LDLRAD3: variants seen among roughly 807,000 people sequenced by gnomAD.
The protein encoded by LDLRAD3 is low-density lipoprotein receptor class A domain-containing protein 3.
A neutral mutation model predicts 29.4 loss-of-function variants in LDLRAD3; 20 were observed. The observed-to-expected ratio is 0.68, with a 90% CI of 0.48 to 0.99. The LOEUF is 0.99. Ranked by LOEUF, LDLRAD3 falls within the 50% of genes least tolerant of loss-of-function variation. The probability of loss-of-function intolerance (pLI) is 0.00; values close to 1 mark genes in which losing one functional copy is unlikely to be tolerated. For missense variants in LDLRAD3, 420 were observed against 454.3 expected (o/e 0.92, Z 0.69); for synonymous variants, 157 against 192.7 (o/e 0.81, Z 1.53).
intron 2 of LDLRAD3, among the ~76,000 whole-genome samples, chr11:36,037,981 C>T (rs1016694718): frequency 2.6e-5 from 4 of 152,286 alleles, no homozygotes; most frequent in East Asian, 1.9e-4. Flanking sequence ...ACTGCAGCCT[C>T]GACCTCCTGG....
intron 1 of LDLRAD3, among the ~76,000 whole-genome samples, chr11:36,023,301 C>T (rs1475524183): frequency 1.3e-5 from 2 of 152,084 alleles, no homozygotes; most frequent in Admixed American, 6.6e-5. Context: ...CCATAGGGAA[C>T]GGGAGGTAGG....
chr11:36,058,097 G>A (rs1852647630), intron 2 of LDLRAD3, among the ~76,000 whole-genome samples: 1 of 152,182 alleles, frequency 6.6e-6, no homozygotes, highest in Non-Finnish European at 1.5e-5. Flanking sequence ...CAACCCTCCA[G>A]TGGCTCCCAG....
At chr11:36,141,077 G>A (rs1165458430) in intron 4 of LDLRAD3, among the ~76,000 whole-genome samples, 1 of 137,448 alleles carries the variant, frequency 7.3e-6, no homozygotes, top group African/African-American at 2.7e-5. Context: ...TTAAAAAATG[G>A]TTCCATCCAA....
chr11:35,944,567 T>G lies in LDLRAD3; in HGVS notation c.46+423T>G, dbSNP rs558112141. On this transcript the variant is annotated intron_variant, in intron 1 of 5. Coordinates refer to ENST00000315571, the MANE Select transcript of LDLRAD3 (RefSeq NM_174902.4). The surrounding 1 kb of genome is among the most constrained non-coding windows in gnomAD (Gnocchi z 4.9). ...AGACGCCTGGTCGCGCGCGGCTGCG[T>G]TAGCCTCCTCTGGGCCTCTTCCCGA... 2.6e-5 allele frequency among the ~76,000 whole-genome samples: 4 copies of G among 152,224 alleles called. No homozygotes were observed. The East Asian group carries it at 7.8e-4, about 30-fold the overall frequency.
At chr11:36,074,493 G>C (rs1156958599) in intron 2 of LDLRAD3, among the ~76,000 whole-genome samples, 2 of 152,164 alleles carry the variant, frequency 1.3e-5, no homozygotes, top group African/African-American at 4.8e-5. Flanking sequence ...ATGCTGGCTG[G>C]GCTTGAGAAG....
intron 2 of LDLRAD3, among the ~76,000 whole-genome samples, chr11:36,064,422 G>T (rs1040653757): frequency 2.6e-5 from 4 of 151,600 alleles, no homozygotes; most frequent in Non-Finnish European, 5.9e-5. Flanking sequence ...TGATACTCCT[G>T]CCTCAGCCTC....
At chr11:36,105,622 AC>A (rs2133281853) in intron 4 of LDLRAD3, among the ~76,000 whole-genome samples, 1 of 152,304 alleles carries the variant, frequency 6.6e-6, no homozygotes, top group South Asian at 2.1e-4. Context: ...CAGAGAGATC[AC>A]CATGTGAAGG....
At chr11:36,160,551 G>T (rs902805594) in intron 4 of LDLRAD3, among the ~76,000 whole-genome samples, 7 of 152,114 alleles carry the variant, frequency 4.6e-5, no homozygotes, top group African/African-American at 1.7e-4. Context: ...GCTCTCAGGG[G>T]TCAGTTTTTT....
chr11:36,202,422 G>A (rs538056031), intron 4 of LDLRAD3, among the ~76,000 whole-genome samples: 1 of 152,250 alleles, frequency 6.6e-6, no homozygotes, highest in African/African-American at 2.4e-5. Flanking sequence ...CACCTCTCAC[G>A]GTTGAGCCAT....
chr11:35,978,217 G>C (rs1475562065), intron 1 of LDLRAD3, among the ~76,000 whole-genome samples: 1 of 152,184 alleles, frequency 6.6e-6, no homozygotes, highest in Non-Finnish European at 1.5e-5. Flanking sequence ...ATTTTTAGGA[G>C]GAAGGGAAGT....
chr11:36,075,547 A>G (rs978382829), intron 2 of LDLRAD3, among the ~76,000 whole-genome samples: 2 of 152,212 alleles, frequency 1.3e-5, no homozygotes, highest in Non-Finnish European at 2.9e-5. Flanking sequence ...CATATTGCGG[A>G]AGATACTTTG....
At position 36,081,726 on chromosome 11, in the gene LDLRAD3, C is replaced by G; in HGVS notation, c.267C>G (p.Phe89Leu). 1 of 1,614,236 alleles carries G rather than the reference C, an allele frequency of 6.2e-7. No homozygotes were observed. Among genetic ancestry groups the G allele is most frequent in the African/African-American group, 1.3e-5 (1 of 75,054 alleles). Residue 89 changes from phenylalanine to leucine, a missense_variant, in exon 3 of 6, where the codon TTC (phenylalanine) becomes TTG (leucine). Physicochemically the swap from Phe to Leu is conservative, Grantham distance 22 (BLOSUM62 0). This residue lies in a region of LDLRAD3 where 224 missense variants were observed against 222.2 expected (regional missense o/e 1.01). Coordinates refer to ENST00000315571, the MANE Select transcript of LDLRAD3 (RefSeq NM_174902.4). ...ASGIHCIIGR[F>L]RCNGFEDCPD... ...GCATCCATTGCATCATTGGTCGCTT[C>G]CGGTGCAATGGGTTTGAGGACTGTC...
At chr11:36,180,148 C>T (rs1430953723) in intron 4 of LDLRAD3, among the ~76,000 whole-genome samples, 1 of 152,100 alleles carries the variant, frequency 6.6e-6, no homozygotes, top group Non-Finnish European at 1.5e-5. Context: ...TGCCTCGGTA[C>T]ACTATCATTT....
intron 4 of LDLRAD3, among the ~76,000 whole-genome samples, chr11:36,223,709 C>T (rs1035864054): frequency 6.6e-6 from 1 of 151,186 alleles, no homozygotes; most frequent in South Asian, 2.1e-4. Flanking sequence ...CAGAGTGATA[C>T]CTTGTCTCAA....
At chr11:36,034,291 G>T (rs1047342074) in intron 1 of LDLRAD3, among the ~76,000 whole-genome samples, 1 of 152,194 alleles carries the variant, frequency 6.6e-6, no homozygotes, top group Non-Finnish European at 1.5e-5. Context: ...GGGCAAGCTG[G>T]CAGGCAGGGA....
At chr11:36,087,540 GAGAAGAAAT>G (rs1340744606) in intron 3 of LDLRAD3, among the ~76,000 whole-genome samples, 1 of 152,150 alleles carries the variant, frequency 6.6e-6, no homozygotes, top group Non-Finnish European at 1.5e-5. Flanking sequence ...ATGAAATGGT[GAGAAGAAAT>G]AAATAAAAGT....
intron 2 of LDLRAD3, among the ~76,000 whole-genome samples, chr11:36,081,193 T>C (rs888104676): frequency 2.0e-5 from 3 of 152,154 alleles, no homozygotes; most frequent in South Asian, 4.1e-4. Flanking sequence ...CATCATCCCA[T>C]TGGGTGATTG....
At chr11:36,078,588 G>T (rs1853056728) in intron 2 of LDLRAD3, among the ~76,000 whole-genome samples, 1 of 152,230 alleles carries the variant, frequency 6.6e-6, no homozygotes, top group East Asian at 1.9e-4. Flanking sequence ...CTCTGAGCCT[G>T]TGGGAGTAAG....
intron 1 of LDLRAD3, among the ~76,000 whole-genome samples, chr11:35,947,225 T>A (rs2133121002): frequency 6.6e-6 from 1 of 152,334 alleles, no homozygotes; most frequent in Admixed American, 6.5e-5. Context: ...AGAATTGGCC[T>A]TAAGCCGGAG....
Sources: allele counts gnomAD v4.1 joint callset (sites outside exome capture counted in the v4.1 genomes callset), GRCh38; gene constraint gnomAD v4.1.1; regional missense constraint gnomAD v4.1.1; non-coding constraint Gnocchi (gnomAD v3.1); transcripts MANE v1.5; gene names NCBI Gene and HGNC (gene_info 2026-07-23, HGNC 2026-07-21).